The following MRPS28 variants were observed in gnomAD, a reference collection of about 807,000 sequenced individuals.
MRPS28 encodes the protein mitochondrial ribosomal protein S28.
Under a neutral mutation model 10.8 loss-of-function variants are expected in MRPS28, and 7 were observed. That is an observed-to-expected ratio of 0.65 (90% CI 0.37 to 1.22). MRPS28 has a LOEUF of 1.22. MRPS28 is among the 50% of genes most tolerant of loss of function. The probability of loss-of-function intolerance (pLI) is 0.02; values close to 1 mark genes in which losing one functional copy is unlikely to be tolerated. For missense variants in MRPS28, 265 were observed against 232.9 expected, an observed-to-expected ratio of 1.14 and a Z score of -0.90; for synonymous variants, 121 against 93.3, an observed-to-expected ratio of 1.30 and a Z score of -1.71.
intron 1 of MRPS28, among the ~76,000 whole-genome samples, chr8:80,005,550 T>C (rs1808813714): frequency 6.6e-6 from 1 of 152,078 alleles, no homozygotes; most frequent in Admixed American, 6.6e-5. Flanking sequence ...CTGTGGACCA[T>C]CGATGCTAGG....
At chr8:79,938,772 C>T (rs1806678626) in intron 2 of MRPS28, among the ~76,000 whole-genome samples, 1 of 152,104 alleles carries the variant, frequency 6.6e-6, no homozygotes, top group Non-Finnish European at 1.5e-5. Flanking sequence ...AATATACAGA[C>T]CAAATTGCTT....
intron 1 of MRPS28, among the ~76,000 whole-genome samples, chr8:80,019,710 C>T (rs564418029): frequency 6.6e-6 from 1 of 152,078 alleles, no homozygotes; most frequent in African/African-American, 2.4e-5. Context: ...TCATGGATGG[C>T]ATGATGACCT....
At chr8:80,012,479 T>C (rs889899425) in intron 1 of MRPS28, among the ~76,000 whole-genome samples, 1 of 152,188 alleles carries the variant, frequency 6.6e-6, no homozygotes, top group Non-Finnish European at 1.5e-5. Flanking sequence ...TAAACTAACA[T>C]TGATAGCTCC....
At chr8:80,003,943 G>A (rs557071147) in intron 1 of MRPS28, among the ~76,000 whole-genome samples, 1 of 152,346 alleles carries the variant, frequency 6.6e-6, no homozygotes, top group East Asian at 1.9e-4. Flanking sequence ...TGGGGGACGG[G>A]CGCCCACCAT....
chr8:79,973,662 TAA>T (rs1807701572), intron 2 of MRPS28, among the ~76,000 whole-genome samples: 1 of 152,078 alleles, frequency 6.6e-6, no homozygotes, highest in South Asian at 2.1e-4. Flanking sequence ...CTAGTAAGTG[TAA>T]AGTCGAGATT....
At chr8:79,944,701 C>CTTTT (rs57397948) in intron 2 of MRPS28, among the ~76,000 whole-genome samples, 2,688 of 137,570 alleles carry the variant, frequency 0.02, 129 homozygotes, top group African/African-American at 0.043. Context: ...TTTCTTTTTT[C>CTTTT]TTTTTTTTTT....
At chr8:79,919,595 A>C (rs1810017217) in intron 2 of MRPS28, among the ~76,000 whole-genome samples, 1 of 152,032 alleles carries the variant, frequency 6.6e-6, no homozygotes, top group Non-Finnish European at 1.5e-5. Flanking sequence ...TGGCCTCCTA[A>C]ATTTTGGGGA....
chr8:79,997,830 G>A (rs1012362756), intron 2 of MRPS28, among the ~76,000 whole-genome samples: 2 of 152,078 alleles, frequency 1.3e-5, no homozygotes, highest in African/African-American at 4.8e-5. Flanking sequence ...TGAGACGGGC[G>A]GATCACTTGA....
At chr8:79,974,257 C>T (rs766609886) in intron 2 of MRPS28, among the ~76,000 whole-genome samples, 2 of 151,966 alleles carry the variant, frequency 1.3e-5, no homozygotes, top group East Asian at 1.9e-4. Context: ...TATAAACAAA[C>T]GAGGCCGGCG....
intron 2 of MRPS28, among the ~76,000 whole-genome samples, chr8:79,994,155 A>G (rs1240363181): frequency 6.6e-6 from 1 of 152,230 alleles, no homozygotes; most frequent in African/African-American, 2.4e-5. Context: ...AGAAATGTTT[A>G]CAACTCTCGA....
At chr8:79,965,290 C>T (rs966432511) in intron 2 of MRPS28, among the ~76,000 whole-genome samples, 9 of 152,072 alleles carry the variant, frequency 5.9e-5, no homozygotes, top group African/African-American at 2.2e-4. Context: ...TAAGATGACA[C>T]TGTTAAATAA....
intron 1 of MRPS28, among the ~76,000 whole-genome samples, chr8:80,012,267 A>T (rs1809072126): frequency 6.6e-6 from 1 of 152,168 alleles, no homozygotes; most frequent in African/African-American, 2.4e-5. Context: ...TTGATTTTTG[A>T]TATTGCATCA....
chr8:79,998,036 C>T (rs1808552357), intron 2 of MRPS28, among the ~76,000 whole-genome samples: 1 of 134,926 alleles, frequency 7.4e-6, no homozygotes, highest in African/African-American at 2.7e-5. Flanking sequence ...GCCTGGGTGA[C>T]AGAACAAGAC....
chr8:80,012,521 A>C (rs1809079397), intron 1 of MRPS28, among the ~76,000 whole-genome samples: 2 of 152,212 alleles, frequency 1.3e-5, no homozygotes. Context: ...AGAGACTGGA[A>C]GCATACTGTC....
At chr8:79,969,388 C>A (rs915288854) in intron 2 of MRPS28, among the ~76,000 whole-genome samples, 1 of 152,064 alleles carries the variant, frequency 6.6e-6, no homozygotes, top group African/African-American at 2.4e-5. Context: ...TTAAACATAG[C>A]TCTGGGCTAT....
chr8:80,013,709 C>T (rs1467934481), intron 1 of MRPS28, among the ~76,000 whole-genome samples: 1 of 149,628 alleles, frequency 6.7e-6, no homozygotes, highest in African/African-American at 2.5e-5. Context: ...GGTATATATA[C>T]TTTAACTACT....
chr8:80,015,678 T>C (rs1371382537), intron 1 of MRPS28, among the ~76,000 whole-genome samples: 1 of 152,084 alleles, frequency 6.6e-6, no homozygotes, highest in South Asian at 2.1e-4. Flanking sequence ...AAAACACAGT[T>C]TGAAGAGACA....
At chr8:80,024,530 T>C (rs1256807069) in intron 1 of MRPS28, among the ~76,000 whole-genome samples, 1 of 152,176 alleles carries the variant, frequency 6.6e-6, no homozygotes, top group Non-Finnish European at 1.5e-5. Flanking sequence ...ATAATGTGTA[T>C]GGGCTTATTT....
At chr8:79,985,828 G>A (rs1167096988) in intron 2 of MRPS28, among the ~76,000 whole-genome samples, 1 of 152,028 alleles carries the variant, frequency 6.6e-6, no homozygotes, top group African/African-American at 2.4e-5. Context: ...TGGATTCACA[G>A]CCGAATTCTA....
Sources: gnomAD v4.1 joint callset for allele counts (sites outside exome capture counted in the v4.1 genomes callset) on GRCh38, gnomAD v4.1.1 for gene constraint, MANE v1.5 for transcripts, NCBI Gene and HGNC (gene_info 2026-07-23, HGNC 2026-07-21) for gene names.